ZNF536: variants seen among roughly 807,000 people sequenced by gnomAD.
ZNF536 encodes the protein zinc finger protein 536.
In ZNF536, 13 loss-of-function variants were observed where a neutral mutation model predicts 84.5. The observed-to-expected ratio is 0.15, with a 90% CI of 0.10 to 0.24. The LOEUF (loss-of-function observed/expected upper bound fraction) is 0.24, where lower values mean the gene tolerates loss of function less well. Among genes scored for constraint, ZNF536 ranks in the 10% least tolerant of loss-of-function variants. ZNF536 has a pLI of 1.00. For missense variants in ZNF536, 1,536 were observed against 1,747.5 expected (o/e 0.88, Z 2.16); for synonymous variants, 811 against 742.5 (o/e 1.09, Z -1.50).
At chr19:30,405,537 C>G (rs898269581) in intron 1 of ZNF536, among the ~76,000 whole-genome samples, 2 of 152,066 alleles carry the variant, frequency 1.3e-5, no homozygotes, top group Non-Finnish European at 1.5e-5. Context: ...GTCTGATGAG[C>G]CATCAGACCA....
chr19:30,254,235 C>T (rs1162133903), intron 1 of ZNF536, among the ~76,000 whole-genome samples: 1 of 152,148 alleles, frequency 6.6e-6, no homozygotes, highest in African/African-American at 2.4e-5. Context: ...AGTTCAAATA[C>T]CCACTATCTC....
intron 2 of ZNF536, among the ~76,000 whole-genome samples, chr19:30,319,788 G>T (rs2046796404): frequency 6.6e-6 from 1 of 152,148 alleles, no homozygotes; most frequent in Admixed American, 6.5e-5. Context: ...TATTTGGAAC[G>T]AGCTAATAAA....
chr19:30,232,181 A>G (rs961720352), intron 1 of ZNF536, among the ~76,000 whole-genome samples: 1 of 152,138 alleles, frequency 6.6e-6, no homozygotes, highest in Admixed American at 6.5e-5. Context: ...AGTTGATGCC[A>G]TCAACGGGCT....
rs776145243 is a variant in ZNF536 at position 30,444,776 on chromosome 19, C to A, written c.1214C>A (p.Ser405Tyr). 6.2e-7 allele frequency: 1 copy of A among 1,613,930 alleles called. No individual in the cohort carries two copies. The highest frequency in any genetic ancestry group is 1.3e-5 in the African/African-American group (1 of 75,058). Residue 405 changes from serine to tyrosine, a missense_variant, in exon 2 of 5, where the codon TCC becomes TAC. Physicochemically the swap from Ser to Tyr is moderately radical, Grantham distance 144. Transcript: ENST00000355537. ...AACAAGCTGTCGGTGAAGAACAAGT[C>A]CCCCAGCGACCCCGAGGTGCCTGTG... ...HLNKLSVKNK[S>Y]PSDPEVPVPM...
At chr19:30,366,182 T>C (rs937991072) in intron 3 of ZNF536, among the ~76,000 whole-genome samples, 1 of 152,230 alleles carries the variant, frequency 6.6e-6, no homozygotes, top group Non-Finnish European at 1.5e-5. Context: ...TATGCCGCTC[T>C]GGTCATATCT....
At chr19:30,684,338 T>G (rs187110933) in intron 1 of ZNF536, among the ~76,000 whole-genome samples, 61 of 152,276 alleles carry the variant, frequency 4.0e-4, no homozygotes, top group Non-Finnish European at 7.4e-4. Context: ...GGTTTCACTA[T>G]GTTGCCCAGG....
intron 2 of ZNF536, among the ~76,000 whole-genome samples, chr19:30,327,500 T>C (rs1349661519): frequency 6.6e-6 from 1 of 152,220 alleles, no homozygotes; most frequent in Non-Finnish European, 1.5e-5. Flanking sequence ...GATTTTGAAT[T>C]GGAGACACAT....
At chr19:30,353,792 T>C (rs1277763752) in intron 3 of ZNF536, among the ~76,000 whole-genome samples, 2 of 152,218 alleles carry the variant, frequency 1.3e-5, no homozygotes, top group Non-Finnish European at 2.9e-5. Flanking sequence ...AAAACACAGA[T>C]GGAGGAGTTA....
At chr19:30,307,723 C>T (rs1220799959) in intron 2 of ZNF536, among the ~76,000 whole-genome samples, 4 of 152,208 alleles carry the variant, frequency 2.6e-5, no homozygotes, top group Non-Finnish European at 5.9e-5. Flanking sequence ...ATTTCTCAGC[C>T]TGACCCACAA....
chr19:30,251,595 T>A (rs1459812370), intron 1 of ZNF536, among the ~76,000 whole-genome samples: 2 of 152,216 alleles, frequency 1.3e-5, no homozygotes, highest in Non-Finnish European at 2.9e-5. Flanking sequence ...AAAATTTTAC[T>A]TCCATAAGTT....
chr19:30,687,603 T>A (rs1315379760), intron 1 of ZNF536, among the ~76,000 whole-genome samples: 1 of 152,184 alleles, frequency 6.6e-6, no homozygotes, highest in Non-Finnish European at 1.5e-5. Context: ...TTTCAACCTA[T>A]GAGCTCAATT....
chr19:30,712,749 G>T (rs772222721), exon 2 of ZNF536: 3 of 152,006 alleles, frequency 2.0e-5, no homozygotes, highest in Non-Finnish European at 4.4e-5. Flanking sequence ...TACTTAAATC[G>T]AGTTGATAAA....
At chr19:30,523,727 T>A (rs2044461011) in intron 2 of ZNF536, among the ~76,000 whole-genome samples, 1 of 152,016 alleles carries the variant, frequency 6.6e-6, no homozygotes, top group Admixed American at 6.6e-5. Context: ...CAGGCACCCT[T>A]CCCCTGTGCT....
At chr19:30,631,991 TC>T (rs1256220741) in intron 1 of ZNF536, among the ~76,000 whole-genome samples, 2 of 152,016 alleles carry the variant, frequency 1.3e-5, no homozygotes, top group Non-Finnish European at 2.9e-5. Context: ...TCTTGCCACC[TC>T]CCCAAACCAC....
intron 1 of ZNF536, among the ~76,000 whole-genome samples, chr19:30,609,320 T>C (rs2048007988): frequency 6.6e-6 from 1 of 152,176 alleles, no homozygotes; most frequent in Non-Finnish European, 1.5e-5. Context: ...AAAATAGCTC[T>C]TGTCTAGAAT....
intron 1 of ZNF536, among the ~76,000 whole-genome samples, chr19:30,279,386 A>G (rs2045354650): frequency 6.6e-6 from 1 of 152,078 alleles, no homozygotes; most frequent in African/African-American, 2.4e-5. Context: ...TGATTCTCCG[A>G]GAGAAAGCTC....
intron 1 of ZNF536, among the ~76,000 whole-genome samples, chr19:30,273,140 G>C (rs533087509): frequency 6.6e-6 from 1 of 152,222 alleles, no homozygotes; most frequent in East Asian, 1.9e-4. Context: ...AGGATCAAAC[G>C]ATCCTCCTGC....
intron 1 of ZNF536, among the ~76,000 whole-genome samples, chr19:30,260,687 T>C (rs2025160983): frequency 6.6e-6 from 1 of 152,212 alleles, no homozygotes. Context: ...GATGGCCTTC[T>C]GTTAAGAAGT....
chr19:30,287,634 G>A (rs1319910997), intron 2 of ZNF536, among the ~76,000 whole-genome samples: 1 of 122,098 alleles, frequency 8.2e-6, no homozygotes, highest in Non-Finnish European at 1.7e-5. Context: ...GGATGGATGG[G>A]TGGGTGGATG....
Sources: allele counts gnomAD v4.1 joint callset (sites outside exome capture counted in the v4.1 genomes callset), GRCh38; gene constraint gnomAD v4.1.1; transcripts MANE v1.5; gene names NCBI Gene and HGNC (gene_info 2026-07-23, HGNC 2026-07-21).